EPHA3: variants seen among roughly 807,000 people sequenced by gnomAD.
EPHA3 encodes the protein ephrin type-A receptor 3.
In EPHA3, 42 loss-of-function variants were observed where a neutral mutation model predicts 107.1. The observed-to-expected ratio is 0.39, with a 90% CI of 0.31 to 0.51. EPHA3 has a LOEUF of 0.51. EPHA3 is among the 20% of genes least tolerant of loss of function. The pLI, the probability that EPHA3 is intolerant of heterozygous loss-of-function variation, is 0.78. For synonymous variants in EPHA3, 461 were observed against 424.8 expected, an observed-to-expected ratio of 1.09 and a Z score of -1.05; for missense variants, 1,183 against 1,211.2, an observed-to-expected ratio of 0.98 and a Z score of 0.35.
chr3:89,139,291 C>T (rs920895068), intron 2 of EPHA3, among the ~76,000 whole-genome samples: 16 of 151,968 alleles, frequency 1.1e-4, no homozygotes, highest in African/African-American at 3.9e-4. Flanking sequence ...GATAGCCGCA[C>T]ACTTCATAGG....
chr3:89,453,627 T>G (rs2107558856), intron 15 of EPHA3, among the ~76,000 whole-genome samples: 1 of 152,298 alleles, frequency 6.6e-6, no homozygotes, highest in East Asian at 1.9e-4. Context: ...TCATAATACA[T>G]TTATTTTTAA....
intron 1 of EPHA3, among the ~76,000 whole-genome samples, chr3:89,121,819 A>T (rs1707396218): frequency 6.6e-6 from 1 of 152,104 alleles, no homozygotes; most frequent in East Asian, 1.9e-4. Flanking sequence ...AGTCCACAGG[A>T]ACAATTAAAT....
At chr3:89,204,474 G>A (rs1706050360) in intron 2 of EPHA3, among the ~76,000 whole-genome samples, 1 of 78,470 alleles carries the variant, frequency 1.3e-5, no homozygotes, top group Middle Eastern at 6.0e-3. Flanking sequence ...TCTCTGATTT[G>A]ACACACCACA....
At chr3:89,429,800 T>C (rs752539270) in intron 12 of EPHA3, among the ~76,000 whole-genome samples, 14 of 149,226 alleles carry the variant, frequency 9.4e-5, no homozygotes, top group Admixed American at 5.9e-4. Flanking sequence ...GGTGCAATGG[T>C]GCAATGGTGC....
chr3:89,456,183 G>A (rs1710094460), intron 15 of EPHA3, among the ~76,000 whole-genome samples: 1 of 152,002 alleles, frequency 6.6e-6, no homozygotes, highest in Admixed American at 6.6e-5. Context: ...GTTCTCCTAA[G>A]CAAAATTCTG....
At chr3:89,188,387 T>C (rs1213233519) in intron 2 of EPHA3, among the ~76,000 whole-genome samples, 1 of 152,198 alleles carries the variant, frequency 6.6e-6, no homozygotes, top group East Asian at 1.9e-4. Flanking sequence ...TCATCGACTT[T>C]TATTCAGAAA....
intron 2 of EPHA3, among the ~76,000 whole-genome samples, chr3:89,134,618 T>C (rs533882160): frequency 1.3e-5 from 2 of 152,314 alleles, no homozygotes; most frequent in African/African-American, 4.8e-5. Flanking sequence ...AGTCTATCAT[T>C]GTTCGACATT....
chr3:89,420,570 TA>T (rs139959532), intron 11 of EPHA3, among the ~76,000 whole-genome samples: 9,907 of 151,500 alleles, frequency 0.065, 391 homozygotes, highest in Middle Eastern at 0.11. Flanking sequence ...TATTTTCTGA[TA>T]AAAAACATTT....
intron 2 of EPHA3, among the ~76,000 whole-genome samples, chr3:89,185,407 A>G (rs1705540448): frequency 6.6e-6 from 1 of 152,092 alleles, no homozygotes; most frequent in African/African-American, 2.4e-5. Context: ...AGGAAATTAT[A>G]TTTGATATAT....
chr3:89,386,529 T>C (rs1708626604), intron 5 of EPHA3, among the ~76,000 whole-genome samples: 2 of 152,230 alleles, frequency 1.3e-5, no homozygotes, highest in African/African-American at 4.8e-5. Context: ...TATTTGGAAA[T>C]GCCTGGATGT....
chr3:89,150,670 T>C (rs1393332862), intron 2 of EPHA3, among the ~76,000 whole-genome samples: 3 of 152,138 alleles, frequency 2.0e-5, no homozygotes, highest in Non-Finnish European at 4.4e-5. Context: ...AGATATCAAT[T>C]TGAATCTTAT....
At chr3:89,134,007 T>G (rs1217272286) in intron 2 of EPHA3, among the ~76,000 whole-genome samples, 1 of 150,472 alleles carries the variant, frequency 6.6e-6, no homozygotes, top group East Asian at 2.0e-4. Context: ...AATCAGAAAA[T>G]GACACTTCAA....
Position 89,399,841 on chromosome 3 carries a change from A to C in EPHA3, c.1594+361A>C, listed in dbSNP as rs533601623. 1.5e-5 allele frequency: 16 copies of C among 1,088,034 alleles called. No individual in the cohort carries two copies. The East Asian group carries it at 6.7e-4, about 46-fold the overall frequency. 67.4% of individuals were successfully genotyped at this position (1,088,034 alleles called of 1,614,324 possible). A position where few individuals can be genotyped will look rare whatever the true frequency, so the allele number is the denominator to read the frequency against. On this transcript the variant is annotated intron_variant, in intron 7 of 16. Transcript: ENST00000336596. ...TTCATTGCGTGATTCAATGAACCAC[A>C]AAAAAGAAACTTGCTGATCCATGAG...
chr3:89,348,312 A>G (rs1441754919), intron 5 of EPHA3, among the ~76,000 whole-genome samples: 1 of 140,654 alleles, frequency 7.1e-6, no homozygotes, highest in Non-Finnish European at 1.6e-5. Context: ...TGATCTATTC[A>G]GAGATTCAAC....
chr3:89,400,289 C>T (rs1413409218), intron 7 of EPHA3: 17 of 176,310 alleles, frequency 9.6e-5, no homozygotes, highest in Non-Finnish European at 1.7e-4. Context: ...CTGCAAGCTC[C>T]GCCTCCTGGC....
chr3:89,143,975 G>A (rs1289638664), intron 2 of EPHA3, among the ~76,000 whole-genome samples: 1 of 151,578 alleles, frequency 6.6e-6, no homozygotes, highest in Non-Finnish European at 1.5e-5. Context: ...AGTACAGAGA[G>A]TTCACATATA....
chr3:89,289,877 C>T (rs1706172604), intron 3 of EPHA3, among the ~76,000 whole-genome samples: 1 of 152,042 alleles, frequency 6.6e-6, no homozygotes, highest in Non-Finnish European at 1.5e-5. Flanking sequence ...CTTTATACTG[C>T]ATTTTAGTCA....
At chr3:89,154,319 G>A (rs9809731) in intron 2 of EPHA3, among the ~76,000 whole-genome samples, 3 of 150,678 alleles carry the variant, frequency 2.0e-5, no homozygotes, top group Non-Finnish European at 4.4e-5. Context: ...CGCATAAAAA[G>A]GTGAGCACTC....
intron 15 of EPHA3, among the ~76,000 whole-genome samples, chr3:89,453,440 AT>A (rs779972317): frequency 7.2e-5 from 11 of 152,014 alleles, no homozygotes; most frequent in African/African-American, 1.9e-4. Flanking sequence ...TTTCTTATAT[AT>A]TTTTCTTTAA....
Sources: gnomAD v4.1 joint callset for allele counts (sites outside exome capture counted in the v4.1 genomes callset) on GRCh38, gnomAD v4.1.1 for gene constraint, MANE v1.5 for transcripts, NCBI Gene and HGNC (gene_info 2026-07-23, HGNC 2026-07-21) for gene names.